DYM: variants seen among roughly 807,000 people sequenced by gnomAD.
DYM encodes dyggve-Melchior-Clausen syndrome protein.
Under a neutral mutation model 93.1 loss-of-function variants are expected in DYM, and 78 were observed. The ratio of observed to expected loss-of-function variants is 0.84; its 90% CI spans 0.70 to 1.01. DYM has a LOEUF of 1.01. Ranked by LOEUF, DYM falls within the 50% of genes least tolerant of loss-of-function variation. DYM has a pLI of 0.00. For missense variants in DYM, 789 were observed against 845.0 expected (o/e 0.93, Z 0.82); for synonymous variants, 321 against 319.7 (o/e 1.00, Z -0.04).
chr18:49,426,582 A>G (rs2074313273), intron 2 of DYM, among the ~76,000 whole-genome samples: 1 of 152,092 alleles, frequency 6.6e-6, no homozygotes, highest in Non-Finnish European at 1.5e-5. Flanking sequence ...TTTATTGCCA[A>G]AAGATATAAA....
intron 16 of DYM, among the ~76,000 whole-genome samples, chr18:49,103,957 T>C (rs2080482676): frequency 6.6e-6 from 1 of 152,038 alleles, no homozygotes; most frequent in Non-Finnish European, 1.5e-5. Context: ...AGAAGGTCAT[T>C]GGTAGCTTGA....
chr18:49,270,829 T>G (rs2145495983), intron 11 of DYM, among the ~76,000 whole-genome samples: 1 of 151,626 alleles, frequency 6.6e-6, no homozygotes, highest in South Asian at 2.1e-4. Flanking sequence ...TAGAGAGGAG[T>G]AAATATAATA....
At chr18:49,123,187 A>C (rs964845158) in intron 15 of DYM, among the ~76,000 whole-genome samples, 4 of 152,074 alleles carry the variant, frequency 2.6e-5, no homozygotes, top group Non-Finnish European at 5.9e-5. Flanking sequence ...CATGACTGCT[A>C]TCTTTCTATT....
chr18:49,340,025 A>G (rs539895020), intron 6 of DYM, among the ~76,000 whole-genome samples: 1 of 152,102 alleles, frequency 6.6e-6, no homozygotes, highest in Admixed American at 6.5e-5. Context: ...ATCTCGGCTC[A>G]CTGCAAGCTC....
In DYM at chr18:49,077,463, GC is replaced by G. The variant is rs1376807434; in HGVS notation, c.2025+19938del. On this transcript the variant is annotated intron_variant, in intron 17 of 17. Coordinates refer to ENST00000675505, the MANE Select transcript of DYM (RefSeq NM_001353214.3). ...ACATTCGAAAATAATGTGAATTTCT[GC>G]CACTGTCCAGTGAAATGTTCTGGGA... Among the ~76,000 whole-genome samples, 3 of 152,198 alleles carry G rather than the reference GC, an allele frequency of 2.0e-5. No homozygotes were observed. In the East Asian group the frequency reaches 5.8e-4, roughly 29 times the overall value.
intron 15 of DYM, among the ~76,000 whole-genome samples, chr18:49,138,682 C>T (rs546113065): frequency 2.3e-4 from 35 of 152,198 alleles, no homozygotes; most frequent in African/African-American, 7.7e-4. Flanking sequence ...AAATACTAAA[C>T]AGTGGCATTA....
intron 13 of DYM, among the ~76,000 whole-genome samples, chr18:49,214,089 C>T (rs2092919647): frequency 6.6e-6 from 1 of 152,162 alleles, no homozygotes; most frequent in African/African-American, 2.4e-5. Flanking sequence ...AATGTACCAA[C>T]ACGAAATGCT....
intron 13 of DYM, among the ~76,000 whole-genome samples, chr18:49,213,869 G>T (rs2092909206): frequency 6.6e-6 from 1 of 152,016 alleles, no homozygotes; most frequent in Admixed American, 6.6e-5. Flanking sequence ...TTACTATTTG[G>T]CATAAAAGAA....
chr18:49,292,309 C>G (rs2060164933), intron 8 of DYM, among the ~76,000 whole-genome samples: 1 of 94,972 alleles, frequency 1.1e-5, no homozygotes, highest in Non-Finnish European at 2.4e-5. Context: ...GACAGACAGA[C>G]AGACAGGCAG....
intron 1 of DYM, chr18:49,447,253 C>G (rs564392030): frequency 1.3e-5 from 2 of 152,158 alleles, no homozygotes; most frequent in Admixed American, 6.6e-5. Context: ...AAAGCAGAAG[C>G]ATAAGAGACC....
At chr18:49,102,155 G>C (rs1472661844) in intron 16 of DYM, among the ~76,000 whole-genome samples, 1 of 152,160 alleles carries the variant, frequency 6.6e-6, no homozygotes, top group Non-Finnish European at 1.5e-5. Context: ...TTGTAAATGA[G>C]GGTACTGATA....
At chr18:49,359,674 G>A (rs1043339215) in intron 6 of DYM, 1 of 152,166 alleles carries the variant, frequency 6.6e-6, no homozygotes, top group African/African-American at 2.4e-5. Context: ...GATTTTAAAA[G>A]TCTCATAAGA....
intron 1 of DYM, among the ~76,000 whole-genome samples, chr18:49,436,751 G>C (rs755181822): frequency 1.3e-5 from 2 of 152,082 alleles, no homozygotes; most frequent in South Asian, 2.1e-4. Flanking sequence ...TTTAAATATG[G>C]GTCCTCCTGG....
intron 10 of DYM, among the ~76,000 whole-genome samples, chr18:49,281,145 T>C (rs1039722085): frequency 6.6e-5 from 10 of 152,162 alleles, no homozygotes; most frequent in African/African-American, 2.4e-4. Context: ...GGGAGAAGGA[T>C]ATGAACAGAC....
chr18:49,234,119 A>G (rs1029531749), intron 13 of DYM, among the ~76,000 whole-genome samples: 19 of 145,668 alleles, frequency 1.3e-4, no homozygotes, highest in African/African-American at 4.6e-4. Context: ...ACAGAGCAAG[A>G]CTCCACCTCA....
At chr18:49,286,412 T>C (rs1416704437) in intron 9 of DYM, 22 bp downstream of exon 9, 6 of 1,613,048 alleles carry the variant, frequency 3.7e-6, no homozygotes, top group African/African-American at 1.3e-5. Flanking sequence ...ACAAAGAATA[T>C]TAGAGAAAAA....
At position 49,037,781 on chromosome 18, in the gene DYM, T is replaced by C. The variant is rs1407033112; in HGVS notation, c.*6274A>G. On this transcript the variant is annotated 3_prime_UTR_variant, in exon 18 of 18. Coordinates refer to ENST00000675505, the MANE Select transcript of DYM (RefSeq NM_001353214.3). ...TTTTGTAAATAATTAGTCTTGATTC[T>C]ATTATGGTCAGAGAACATATTTCAT... Among the ~76,000 whole-genome samples, 1 of 152,220 alleles carries C rather than the reference T, an allele frequency of 6.6e-6. No homozygotes were observed. The highest frequency in any genetic ancestry group is 6.5e-5 in the Admixed American group (1 of 15,284).
At chr18:49,217,343 CAGG>C (rs757836831) in intron 13 of DYM, among the ~76,000 whole-genome samples, 1 of 152,146 alleles carries the variant, frequency 6.6e-6, no homozygotes, top group South Asian at 2.1e-4. Flanking sequence ...GGATATTATC[CAGG>C]AGAACTTCCC....
intron 13 of DYM, among the ~76,000 whole-genome samples, chr18:49,235,542 T>C (rs2093833153): frequency 6.6e-6 from 1 of 152,192 alleles, no homozygotes; most frequent in Non-Finnish European, 1.5e-5. Flanking sequence ...AACAAAGATA[T>C]GGTGTGATAC....
Sources: allele counts gnomAD v4.1 joint callset (sites outside exome capture counted in the v4.1 genomes callset), GRCh38; gene constraint gnomAD v4.1.1; transcripts MANE v1.5; gene names NCBI Gene and HGNC (gene_info 2026-07-23, HGNC 2026-07-21).